SSBP2: variants seen among roughly 807,000 people sequenced by gnomAD.
SSBP2 encodes single-stranded DNA-binding protein 2.
Under a neutral mutation model 61.8 loss-of-function variants are expected in SSBP2, and 17 were observed. That is an observed-to-expected ratio of 0.28 (90% CI 0.19 to 0.41). The LOEUF (loss-of-function observed/expected upper bound fraction) is 0.41, where lower values mean the gene tolerates loss of function less well. SSBP2 is among the 10% of genes least tolerant of loss of function. The pLI is 1.00. For synonymous variants in SSBP2, 139 were observed against 141.3 expected, an observed-to-expected ratio of 0.98 and a Z score of 0.12; for missense variants, 310 against 458.7, an observed-to-expected ratio of 0.68 and a Z score of 2.96.
intron 1 of SSBP2, among the ~76,000 whole-genome samples, chr5:81,668,166 G>C (rs1401039677): frequency 6.7e-6 from 1 of 148,604 alleles, no homozygotes; most frequent in African/African-American, 2.5e-5. Flanking sequence ...AAATTTCCTG[G>C]GAGCTAAATG....
At chr5:81,454,807 G>GT (rs1268957595) in intron 10 of SSBP2, among the ~76,000 whole-genome samples, 11 of 152,046 alleles carry the variant, frequency 7.2e-5, no homozygotes, top group Non-Finnish European at 1.5e-4. Flanking sequence ...AGGAAGAAAG[G>GT]TGACTAAAGG....
chr5:81,420,893 T>C (rs529262815), intron 16 of SSBP2, among the ~76,000 whole-genome samples: 24 of 152,072 alleles, frequency 1.6e-4, no homozygotes, highest in Non-Finnish European at 2.8e-4. Context: ...ACTAAGTAAG[T>C]ATGAGGTCTA....
At chr5:81,730,685 T>G (rs926078195) in intron 1 of SSBP2, among the ~76,000 whole-genome samples, 1 of 152,260 alleles carries the variant, frequency 6.6e-6, no homozygotes, top group Admixed American at 6.5e-5. Context: ...ATATCTTATC[T>G]TTTAATTTTC....
chr5:81,598,258 T>G (rs1743989394), intron 4 of SSBP2, among the ~76,000 whole-genome samples: 1 of 151,956 alleles, frequency 6.6e-6, no homozygotes, highest in African/African-American at 2.4e-5. Context: ...AGAGGAACAA[T>G]GATAGGAATT....
chr5:81,600,561 CAAAAAAA>C (rs35204869), intron 4 of SSBP2, among the ~76,000 whole-genome samples: 1 of 87,610 alleles, frequency 1.1e-5, no homozygotes, highest in African/African-American at 4.5e-5. Flanking sequence ...GACTCTGTCT[CAAAAAAA>C]AAAAAAAAAA....
At chr5:81,487,590 T>C (rs1766476790) in intron 6 of SSBP2, among the ~76,000 whole-genome samples, 1 of 152,098 alleles carries the variant, frequency 6.6e-6, no homozygotes, top group Non-Finnish European at 1.5e-5. Context: ...TTATTGCTAT[T>C]CTTTTTTTAA....
intron 4 of SSBP2, among the ~76,000 whole-genome samples, chr5:81,608,461 T>C (rs1025153587): frequency 2.0e-5 from 3 of 152,188 alleles, no homozygotes; most frequent in Non-Finnish European, 4.4e-5. Context: ...TCCTATTTTT[T>C]GAATATGCTA....
chr5:81,439,182 A>G (rs1762853259), intron 14 of SSBP2, among the ~76,000 whole-genome samples: 1 of 152,184 alleles, frequency 6.6e-6, no homozygotes, highest in Admixed American at 6.5e-5. Context: ...AACCTAAATT[A>G]CTCATGAACA....
intron 15 of SSBP2, among the ~76,000 whole-genome samples, chr5:81,433,752 A>G (rs571280559): frequency 6.6e-6 from 1 of 152,364 alleles, no homozygotes; most frequent in East Asian, 1.9e-4. Flanking sequence ...AAAGCTTTCT[A>G]AATCAAATAT....
rs1378879088 is a variant in SSBP2 at position 81,596,821 on chromosome 5, C to T, written c.282+18652G>A. On this transcript the variant is annotated intron_variant, in intron 4 of 16. Transcript: ENST00000320672. ...CTGAAACTGGATCCCTTCCTTACAC[C>T]TTATACAAAAATTAATTCAAGATGG... Among the ~76,000 whole-genome samples the T allele has an allele frequency of 2.2e-3, 315 of 143,264 alleles. 2 individuals carry two copies. The highest frequency in any genetic ancestry group is 7.7e-3 in the Admixed American group (107 of 13,962). The allele number at this position is 143,264 out of a possible 152,430, so 94.0% of individuals were successfully genotyped here. A position where few individuals can be genotyped will look rare whatever the true frequency, so the allele number is the denominator to read the frequency against.
At chr5:81,708,306 C>G (rs1754539157) in intron 1 of SSBP2, among the ~76,000 whole-genome samples, 1 of 152,114 alleles carries the variant, frequency 6.6e-6, no homozygotes, top group Non-Finnish European at 1.5e-5. Context: ...TAGTACAATA[C>G]AGCAGATACA....
At chr5:81,652,549 G>A (rs929578291) in intron 1 of SSBP2, among the ~76,000 whole-genome samples, 1 of 152,136 alleles carries the variant, frequency 6.6e-6, no homozygotes, top group Non-Finnish European at 1.5e-5. Context: ...TACCAACAGG[G>A]TGATGAAGTG....
At chr5:81,696,998 C>A (rs1367102775) in intron 1 of SSBP2, among the ~76,000 whole-genome samples, 2 of 152,166 alleles carry the variant, frequency 1.3e-5, no homozygotes, top group African/African-American at 4.8e-5. Flanking sequence ...TGCACACGTA[C>A]CTGTCATCAG....
chr5:81,497,113 T>C (rs1767347236), intron 5 of SSBP2, among the ~76,000 whole-genome samples: 1 of 152,198 alleles, frequency 6.6e-6, no homozygotes, highest in African/African-American at 2.4e-5. Flanking sequence ...ACAACTGAAA[T>C]AAAATAAATT....
intron 4 of SSBP2, among the ~76,000 whole-genome samples, chr5:81,530,669 G>A (rs1193987337): frequency 1.3e-5 from 2 of 152,044 alleles, no homozygotes; most frequent in East Asian, 1.9e-4. Flanking sequence ...ATTCAGAATA[G>A]TATAGTGTAC....
At chr5:81,597,776 C>T (rs1437934638) in intron 4 of SSBP2, among the ~76,000 whole-genome samples, 2 of 146,710 alleles carry the variant, frequency 1.4e-5, no homozygotes, top group African/African-American at 5.0e-5. Flanking sequence ...CCAAACACCG[C>T]ATGTTCTCAC....
At chr5:81,584,284 C>T (rs1473394087) in intron 4 of SSBP2, among the ~76,000 whole-genome samples, 1 of 152,026 alleles carries the variant, frequency 6.6e-6, no homozygotes, top group Non-Finnish European at 1.5e-5. Flanking sequence ...TAGTAATACG[C>T]ATTATATTTG....
chr5:81,638,628 T>C (rs1748488323), intron 2 of SSBP2, among the ~76,000 whole-genome samples: 1 of 152,106 alleles, frequency 6.6e-6, no homozygotes, highest in African/African-American at 2.4e-5. Flanking sequence ...GTAAAAACTT[T>C]ATTACATCAT....
intron 4 of SSBP2, among the ~76,000 whole-genome samples, chr5:81,560,354 G>C (rs1189331506): frequency 6.6e-6 from 1 of 151,968 alleles, no homozygotes; most frequent in Non-Finnish European, 1.5e-5. Flanking sequence ...CAGTCCTGTG[G>C]CTATAAACTC....
Sources: gnomAD v4.1 joint callset for allele counts (sites outside exome capture counted in the v4.1 genomes callset) on GRCh38, gnomAD v4.1.1 for gene constraint, MANE v1.5 for transcripts, NCBI Gene and HGNC (gene_info 2026-07-23, HGNC 2026-07-21) for gene names.